SUSD6: variants seen among roughly 807,000 people sequenced by gnomAD.
SUSD6 encodes the protein sushi domain-containing protein 6.
A neutral mutation model predicts 28.4 loss-of-function variants in SUSD6; 16 were observed. The observed-to-expected ratio is 0.56, with a 90% confidence interval of 0.38 to 0.86. The LOEUF is 0.86. SUSD6 is among the 40% of genes least tolerant of loss of function. The pLI is 0.00. For missense variants in SUSD6, 341 were observed against 384.2 expected (o/e 0.89, Z 0.94); for synonymous variants, 147 against 159.6 (o/e 0.92, Z 0.59).
At chr14:69,620,632 T>G (rs1018375721) in intron 1 of SUSD6, among the ~76,000 whole-genome samples, 4 of 152,202 alleles carry the variant, frequency 2.6e-5, no homozygotes, top group African/African-American at 9.7e-5. Flanking sequence ...ACCACAGTCA[T>G]CCTGGAAGGG....
intron 2 of SUSD6, among the ~76,000 whole-genome samples, chr14:69,659,918 TA>T (rs146698037): frequency 0.017 from 2,605 of 152,302 alleles, 79 homozygotes; most frequent in African/African-American, 0.06. Flanking sequence ...AAAATGTCCT[TA>T]AAGGACATGT....
chr14:69,664,152 TG>T (rs1885704273), intron 2 of SUSD6, among the ~76,000 whole-genome samples: 1 of 152,148 alleles, frequency 6.6e-6, no homozygotes, highest in Non-Finnish European at 1.5e-5. Flanking sequence ...CTAATGTTTT[TG>T]TATTTTTTGG....
intron 1 of SUSD6, among the ~76,000 whole-genome samples, chr14:69,638,818 T>TG (rs1187465527): frequency 6.6e-6 from 1 of 152,120 alleles, no homozygotes; most frequent in Non-Finnish European, 1.5e-5. Context: ...AGTCAGGACT[T>TG]GCGTAATTTA....
intron 2 of SUSD6, chr14:69,670,521 C>T (rs758650191): frequency 6.6e-6 from 3 of 456,664 alleles, no homozygotes; most frequent in South Asian, 3.1e-5. Flanking sequence ...AGTGAGTTAA[C>T]GAGTATGGGG....
chr14:69,622,094 A>G (rs974004693), intron 1 of SUSD6, among the ~76,000 whole-genome samples: 4 of 152,226 alleles, frequency 2.6e-5, no homozygotes, highest in African/African-American at 4.8e-5. Context: ...CCCCAAAGGA[A>G]TTCTTTGCAG....
At chr14:69,705,047 G>A (rs929527566) in intron 4 of SUSD6, among the ~76,000 whole-genome samples, 5 of 152,144 alleles carry the variant, frequency 3.3e-5, no homozygotes, top group Non-Finnish European at 5.9e-5. Flanking sequence ...TGCGCGCGGT[G>A]GCTCATGCCT....
intron 2 of SUSD6, among the ~76,000 whole-genome samples, chr14:69,679,099 C>G (rs1414773999): frequency 6.6e-6 from 1 of 152,206 alleles, no homozygotes; most frequent in Non-Finnish European, 1.5e-5. Context: ...GAAATGGAAT[C>G]TCCTTAAGGC....
At chr14:69,682,947 C>CTTT (rs5809442) in intron 2 of SUSD6, among the ~76,000 whole-genome samples, 12 of 62,658 alleles carry the variant, frequency 1.9e-4, no homozygotes, top group Non-Finnish European at 3.0e-4. Flanking sequence ...TCCAAGAAGC[C>CTTT]TTTTTTTTTT....
intron 2 of SUSD6, among the ~76,000 whole-genome samples, chr14:69,701,990 G>A (rs1886318978): frequency 6.6e-6 from 1 of 152,188 alleles, no homozygotes; most frequent in African/African-American, 2.4e-5. Flanking sequence ...TTGGAAAGAA[G>A]AGGCATGGGT....
intron 1 of SUSD6, among the ~76,000 whole-genome samples, chr14:69,654,097 G>A (rs1443811821): frequency 2.6e-5 from 4 of 152,262 alleles, no homozygotes; most frequent in African/African-American, 4.8e-5. Flanking sequence ...TTGGTTCCTC[G>A]ACTCAGGTAG....
chr14:69,687,211 G>A (rs4902747), intron 2 of SUSD6, among the ~76,000 whole-genome samples: 109,468 of 152,048 alleles, frequency 0.72, 40,983 homozygotes, highest in South Asian at 0.84. Context: ...CTGACTTCAG[G>A]TAATCTGCCT....
At chr14:69,691,876 C>T (rs549180005) in intron 2 of SUSD6, among the ~76,000 whole-genome samples, 21 of 151,958 alleles carry the variant, frequency 1.4e-4, no homozygotes, top group East Asian at 3.9e-4. Context: ...CTGTCTCTAC[C>T]GAAAATACAA....
intron 2 of SUSD6, among the ~76,000 whole-genome samples, chr14:69,685,094 T>C (rs55634075): frequency 0.01 from 1,559 of 152,310 alleles, 28 homozygotes; most frequent in African/African-American, 0.035. Context: ...CCTTCTAAGA[T>C]GGGACAGTTG....
intron 1 of SUSD6, among the ~76,000 whole-genome samples, chr14:69,630,113 C>T (rs1342998350): frequency 1.3e-5 from 2 of 152,226 alleles, no homozygotes; most frequent in Non-Finnish European, 2.9e-5. Flanking sequence ...TTGCCAGGCA[C>T]TGCCCTAAGT....
At chr14:69,648,336 G>A (rs117303460) in intron 1 of SUSD6, among the ~76,000 whole-genome samples, 3,316 of 152,276 alleles carry the variant, frequency 0.022, 67 homozygotes, top group Non-Finnish European at 0.03. Flanking sequence ...CTTGTTCAAG[G>A]TCAAGTTTTC....
chr14:69,704,002 C>T (rs1886349369), intron 3 of SUSD6, among the ~76,000 whole-genome samples: 1 of 152,236 alleles, frequency 6.6e-6, no homozygotes, highest in Admixed American at 6.5e-5. Flanking sequence ...CTGCTTCCTC[C>T]TGTCTTGCAT....
chr14:69,656,821 C>G (rs773549337), intron 1 of SUSD6, among the ~76,000 whole-genome samples: 3 of 152,270 alleles, frequency 2.0e-5, no homozygotes, highest in Non-Finnish European at 4.4e-5. Context: ...TCTGACTTTA[C>G]TGTTCTTAGC....
At chr14:69,703,682 T>C in intron 3 of SUSD6, 90 bp downstream of exon 3, 2 of 1,218,432 alleles carry the variant, frequency 1.6e-6, no homozygotes, top group Non-Finnish European at 2.4e-6. Context: ...CAGAGCACTC[T>C]TTGCTGTGGT....
chr14:69,700,922 G>A (rs7146578), intron 2 of SUSD6, among the ~76,000 whole-genome samples: 129,445 of 152,148 alleles, frequency 0.85, 55,254 homozygotes, highest in African/African-American at 0.9. Context: ...AAGTATTTTA[G>A]ATAACAAAAA....
Sources: allele counts gnomAD v4.1 joint callset (sites outside exome capture counted in the v4.1 genomes callset), GRCh38; gene constraint gnomAD v4.1.1; transcripts MANE v1.5; gene names NCBI Gene and HGNC (gene_info 2026-07-23, HGNC 2026-07-21).